The following SYT1 variants were observed in gnomAD, a reference collection of about 807,000 sequenced individuals.
SYT1 encodes synaptotagmin-1.
A neutral mutation model predicts 44.8 loss-of-function variants in SYT1; 8 were observed. That is an observed-to-expected ratio of 0.18 (90% CI 0.10 to 0.32). SYT1 has a LOEUF of 0.32. Among genes scored for constraint, SYT1 ranks in the 10% least tolerant of loss-of-function variants. SYT1 has a pLI of 1.00. For missense variants in SYT1, 286 were observed against 509.3 expected, an observed-to-expected ratio of 0.56 and a Z score of 4.22; for synonymous variants, 154 against 188.8, an observed-to-expected ratio of 0.82 and a Z score of 1.51.
At chr12:79,221,769 G>A (rs1455751199) in intron 4 of SYT1, among the ~76,000 whole-genome samples, 1 of 151,936 alleles carries the variant, frequency 6.6e-6, no homozygotes, top group Non-Finnish European at 1.5e-5. Flanking sequence ...AAATTATTGT[G>A]GCTATTATTA....
At chr12:79,206,807 G>T (rs887752857) in intron 3 of SYT1, among the ~76,000 whole-genome samples, 1 of 152,192 alleles carries the variant, frequency 6.6e-6, no homozygotes, top group Non-Finnish European at 1.5e-5. Flanking sequence ...TTGATTACAA[G>T]GTGCAGATAC....
At position 79,126,863 on chromosome 12, in the gene SYT1, C is replaced by A. The variant is rs368920253; in HGVS notation, c.-18+79501C>A. Among the ~76,000 whole-genome samples, 9 of 152,246 alleles carry A rather than the reference C, an allele frequency of 5.9e-5. 1 individual carries two copies. The highest frequency in any genetic ancestry group is 3.9e-4 in the East Asian group (2 of 5,174). ...CGTGAATTCTGTGCTTATTTGTCAA[C>A]CCTATGGTGTCTATACTGAATTCAG... On this transcript the variant is annotated intron_variant, in intron 3 of 10. Transcript: ENST00000261205.
At chr12:79,332,529 G>A (rs1565912408) in intron 8 of SYT1, among the ~76,000 whole-genome samples, 1 of 152,158 alleles carries the variant, frequency 6.6e-6, no homozygotes, top group African/African-American at 2.4e-5. Flanking sequence ...ACACTAATTA[G>A]TTGCATAACC....
At chr12:79,117,699 ATATATATATATAT>A (rs1879369032) in intron 3 of SYT1, among the ~76,000 whole-genome samples, 4 of 119,096 alleles carry the variant, frequency 3.4e-5, no homozygotes, top group South Asian at 2.7e-4. Flanking sequence ...ATATATATAT[ATATATATATATAT>A]ATAAAATAAA....
intron 2 of SYT1, chr12:79,046,270 T>C (rs1874048434): frequency 6.6e-6 from 1 of 152,216 alleles, no homozygotes; most frequent in Non-Finnish European, 1.5e-5. Flanking sequence ...TGTGACCCAA[T>C]AGCTAGAGCT....
At chr12:79,059,100 A>C (rs963991203) in intron 3 of SYT1, among the ~76,000 whole-genome samples, 1 of 152,072 alleles carries the variant, frequency 6.6e-6, no homozygotes, top group African/African-American at 2.4e-5. Flanking sequence ...CACATCTTAC[A>C]TGGCAGCAGG....
At chr12:79,393,157 G>C (rs1239755484) in intron 9 of SYT1, 1 of 152,080 alleles carries the variant, frequency 6.6e-6, no homozygotes, top group Non-Finnish European at 1.5e-5. Flanking sequence ...TGGCTGCATA[G>C]TATTCCATGG....
intron 3 of SYT1, among the ~76,000 whole-genome samples, chr12:79,069,196 C>A (rs1037396939): frequency 1.3e-5 from 2 of 152,042 alleles, no homozygotes; most frequent in Non-Finnish European, 2.9e-5. Flanking sequence ...TGGTGATGAA[C>A]AATGTGAAAC....
chr12:79,070,758 T>C (rs1876214451), intron 3 of SYT1, among the ~76,000 whole-genome samples: 1 of 152,098 alleles, frequency 6.6e-6, no homozygotes, highest in South Asian at 2.1e-4. Flanking sequence ...GCTGAACAAC[T>C]ACCTATTGGG....
chr12:78,974,250 G>A (rs926832429), intron 1 of SYT1, among the ~76,000 whole-genome samples: 2 of 150,940 alleles, frequency 1.3e-5, no homozygotes, highest in African/African-American at 2.4e-5. Context: ...GGTATTATAA[G>A]CTTATGAGAC....
At chr12:79,293,144 C>T (rs1879671295) in intron 6 of SYT1, among the ~76,000 whole-genome samples, 2 of 137,292 alleles carry the variant, frequency 1.5e-5, no homozygotes, top group South Asian at 4.8e-4. Context: ...AACCCTGTCT[C>T]TACAAAAAAT....
At chr12:78,979,893 T>C (rs887632579) in intron 2 of SYT1, among the ~76,000 whole-genome samples, 2 of 152,070 alleles carry the variant, frequency 1.3e-5, no homozygotes, top group Non-Finnish European at 2.9e-5. Context: ...AACAAGTCTA[T>C]CTTTAATATT....
Position 79,386,811 on chromosome 12 carries a change from C to T in SYT1, c.928+33192C>T, listed in dbSNP as rs529748073. Among the ~76,000 whole-genome samples the T allele has an allele frequency of 1.6e-4, 25 of 152,226 alleles. 1 individual carries two copies. In the East Asian group the frequency reaches 2.9e-3, roughly 18 times the overall value. On this transcript the variant is annotated intron_variant, in intron 9 of 10. Coordinates refer to ENST00000261205, the MANE Select transcript of SYT1 (RefSeq NM_005639.3). ...TCGTGCATCCATGGGTCTGTAGTTG[C>T]GCCTATAGCATTCTCATTGCTACTT...
intron 8 of SYT1, among the ~76,000 whole-genome samples, chr12:79,342,745 G>T (rs1882434263): frequency 6.6e-6 from 1 of 152,184 alleles, no homozygotes; most frequent in Non-Finnish European, 1.5e-5. Context: ...CCAGTTTTCT[G>T]GCTTAAGCAA....
chr12:78,958,294 T>A (rs1879318682), intron 1 of SYT1, among the ~76,000 whole-genome samples: 1 of 152,122 alleles, frequency 6.6e-6, no homozygotes, highest in African/African-American at 2.4e-5. Context: ...ACAAAACAAG[T>A]TTGTCTATAA....
Position 79,179,223 on chromosome 12 carries a change from G to GATATAGATATATAGAT in SYT1, c.-17-38269_-17-38268insTAGATATATAGATATA, listed in dbSNP as rs1565841599. Among the ~76,000 whole-genome samples the GATATAGATATATAGAT allele has an allele frequency of 1.1e-4, 2 of 18,388 alleles. 1 individual carries two copies. The highest frequency in any genetic ancestry group is 1.8e-4 in the Non-Finnish European group (2 of 10,856). 12.1% of individuals were successfully genotyped at this position (18,388 alleles called of 152,430 possible). A position where few individuals can be genotyped will look rare whatever the true frequency, so the allele number is the denominator to read the frequency against. ...ATATAGATATAGATATAGATATATAGATATAGATATAGATATATAGATATA... is the reference window on the plus strand; with the variant it reads ...ATATAGATATAGATATAGATATATAGATATAGATATATAGATATATAGATATAGATATATAGATATA... On this transcript the variant is annotated intron_variant, in intron 3 of 10. Coordinates refer to ENST00000261205, the MANE Select transcript of SYT1 (RefSeq NM_005639.3).
At chr12:79,088,800 G>T (rs1274404499) in intron 3 of SYT1, among the ~76,000 whole-genome samples, 2 of 150,876 alleles carry the variant, frequency 1.3e-5, no homozygotes, top group Non-Finnish European at 3.0e-5. Flanking sequence ...GTGTGAGGGG[G>T]CAGAGAGAAG....
intron 10 of SYT1, among the ~76,000 whole-genome samples, chr12:79,444,873 G>T (rs1565960904): frequency 6.6e-6 from 1 of 151,762 alleles, no homozygotes; most frequent in Admixed American, 6.6e-5. Context: ...ATCATTTAGG[G>T]GTTTTTGAAA....
At chr12:79,061,594 C>A (rs1403314707) in intron 3 of SYT1, among the ~76,000 whole-genome samples, 1 of 152,084 alleles carries the variant, frequency 6.6e-6, no homozygotes, top group Non-Finnish European at 1.5e-5. Context: ...TTATATTATA[C>A]TGGAATGGAT....
Sources: gnomAD v4.1 joint callset for allele counts (sites outside exome capture counted in the v4.1 genomes callset) on GRCh38, gnomAD v4.1.1 for gene constraint, MANE v1.5 for transcripts, NCBI Gene and HGNC (gene_info 2026-07-23, HGNC 2026-07-21) for gene names.